The following NFATC2 variants were observed in gnomAD, a reference collection of about 807,000 sequenced individuals.
NFATC2 encodes the protein nuclear factor of activated T cells 2, also known as nuclear factor of activated T-cells, cytoplasmic 2.
In NFATC2, 22 loss-of-function variants were observed where a neutral mutation model predicts 87.3. The ratio of observed to expected loss-of-function variants is 0.25; its 90% confidence interval spans 0.18 to 0.36. NFATC2 has a LOEUF of 0.36. Ranked by LOEUF, NFATC2 falls within the 10% of genes least tolerant of loss-of-function variation. The pLI, the probability that NFATC2 is intolerant of heterozygous loss-of-function variation, is 1.00. For synonymous variants in NFATC2, 565 were observed against 542.2 expected, an observed-to-expected ratio of 1.04 and a Z score of -0.58; for missense variants, 1,149 against 1,259.1, an observed-to-expected ratio of 0.91 and a Z score of 1.32.
intron 4 of NFATC2, among the ~76,000 whole-genome samples, chr20:51,474,973 T>TA (rs1157450609): frequency 7.2e-6 from 1 of 138,114 alleles, no homozygotes; most frequent in Non-Finnish European, 1.5e-5. Flanking sequence ...CTTTATTTAT[T>TA]TTTTTTTTTT....
chr20:51,561,327 A>AG (rs2077019492), intron 1 of NFATC2, among the ~76,000 whole-genome samples: 2 of 135,500 alleles, frequency 1.5e-5, no homozygotes, highest in African/African-American at 5.9e-5. Context: ...ATCTAGTTAA[A>AG]AAAAAAAAAA....
At chr20:51,426,912 A>C (rs1037420083) in intron 9 of NFATC2, among the ~76,000 whole-genome samples, 1 of 152,110 alleles carries the variant, frequency 6.6e-6, no homozygotes, top group African/African-American at 2.4e-5. Flanking sequence ...AGCACTTTAC[A>C]TGAAGAACAG....
At chr20:51,516,164 C>G (rs756957444) in intron 3 of NFATC2, among the ~76,000 whole-genome samples, 12 of 151,550 alleles carry the variant, frequency 7.9e-5, no homozygotes, top group Non-Finnish European at 1.3e-4. Flanking sequence ...AAATCAAAAG[C>G]CACAGACACA....
At chr20:51,561,480 A>C (rs55910412) in intron 1 of NFATC2, among the ~76,000 whole-genome samples, 2,294 of 110,440 alleles carry the variant, frequency 0.021, 25 homozygotes, top group African/African-American at 0.028. Flanking sequence ...AGAAAGAAAG[A>C]AAGAAAGCAA....
chr20:51,550,140 T>C (rs2076920689), intron 1 of NFATC2, among the ~76,000 whole-genome samples: 1 of 152,076 alleles, frequency 6.6e-6, no homozygotes, highest in African/African-American at 2.4e-5. Context: ...GGCCAGGAGT[T>C]TGAGACCAGC....
intron 8 of NFATC2, among the ~76,000 whole-genome samples, chr20:51,433,374 T>G (rs559313529): frequency 3.0e-4 from 45 of 152,306 alleles, no homozygotes; most frequent in African/African-American, 1.1e-3. Flanking sequence ...TAAGCACTAC[T>G]GTCTCAAGCC....
At chr20:51,484,852 G>A (rs1989575612) in intron 3 of NFATC2, among the ~76,000 whole-genome samples, 1 of 152,222 alleles carries the variant, frequency 6.6e-6, no homozygotes, top group South Asian at 2.1e-4. Context: ...GGATCCCACT[G>A]GCTGGATGTG....
intron 3 of NFATC2, among the ~76,000 whole-genome samples, chr20:51,507,787 G>A (rs916643938): frequency 5.3e-5 from 8 of 152,214 alleles, no homozygotes; most frequent in Non-Finnish European, 7.3e-5. Flanking sequence ...AAGCAGCATC[G>A]CGCGCTGGCT....
chr20:51,536,021 C>T (rs571703652), intron 1 of NFATC2, among the ~76,000 whole-genome samples: 80 of 152,306 alleles, frequency 5.3e-4, no homozygotes, highest in Non-Finnish European at 9.1e-4. Context: ...GATTCAAGTG[C>T]AGGGCTTTAG....
In NFATC2 at chr20:51,391,015, G is replaced by A. The variant is rs571584699; in HGVS notation, c.*481C>T. On this transcript the variant is annotated 3_prime_UTR_variant, in exon 11 of 11. Coordinates refer to ENST00000371564, the MANE Select transcript of NFATC2 (RefSeq NM_012340.5). ...CCTGGAAAAACGAACGCAAGGGCTG[G>A]GGTTTAATCACAGTGCCCACATCTT... is the stretch of plus-strand genomic sequence containing the variant. 5.5e-6 allele frequency: 2 copies of A among 366,688 alleles called. No individual in the cohort carries two copies. Among genetic ancestry groups the A allele is most frequent in the South Asian group, 2.3e-5 (1 of 43,882 alleles). 22.7% of individuals were successfully genotyped at this position (366,688 alleles called of 1,614,324 possible).
chr20:51,459,267 T>C (rs1986888091), intron 5 of NFATC2, among the ~76,000 whole-genome samples: 1 of 152,078 alleles, frequency 6.6e-6, no homozygotes, highest in Non-Finnish European at 1.5e-5. Flanking sequence ...GGGTGGACCT[T>C]GAAACCATTA....
At chr20:51,536,572 T>C (rs918426978) in intron 1 of NFATC2, among the ~76,000 whole-genome samples, 1 of 152,154 alleles carries the variant, frequency 6.6e-6, no homozygotes, top group African/African-American at 2.4e-5. Context: ...TGAATAACAC[T>C]GCTTTAAAGT....
At chr20:51,561,431 AAAAGAAAGAAAGAAAGAAAG>A (rs1184978605) in intron 1 of NFATC2, among the ~76,000 whole-genome samples, 36 of 110,268 alleles carry the variant, frequency 3.3e-4, no homozygotes, top group East Asian at 1.6e-3. Context: ...AGAGAGAAAG[AAAAGAAAGAAAGAAAGAAAG>A]AAAGAAAGAA....
rs772792191 is a variant in NFATC2 at position 51,404,739 on chromosome 20, T to C, written c.2723-6009A>G. Among the ~76,000 whole-genome samples, 26 of 152,158 alleles carry C rather than the reference T, an allele frequency of 1.7e-4. 1 individual carries two copies. Among genetic ancestry groups the C allele is most frequent in the Non-Finnish European group, 2.8e-4 (19 of 68,014 alleles). ...CTGAGATCAGCCATGCTCTCAGAGA[T>C]GCATTTTCACATCCTGCTGAGAGGG... On this transcript the variant is annotated intron_variant, in intron 9 of 10. Transcript: ENST00000371564.
chr20:51,409,976 T>C (rs1183081524), intron 9 of NFATC2, among the ~76,000 whole-genome samples: 6 of 152,126 alleles, frequency 3.9e-5, no homozygotes, highest in South Asian at 4.1e-4. Flanking sequence ...TTTGGGAAGC[T>C]GAGGTGGGCG....
At chr20:51,546,383 T>A (rs1201737177), upstream of NFATC2, among the ~76,000 whole-genome samples, 1 of 151,900 alleles carries the variant, frequency 6.6e-6, no homozygotes, top group Non-Finnish European at 1.5e-5. Flanking sequence ...AGGCATATTT[T>A]CAATTCAAAA....
At chr20:51,462,977 G>T (rs1183976254) in intron 5 of NFATC2, among the ~76,000 whole-genome samples, 4 of 152,240 alleles carry the variant, frequency 2.6e-5, no homozygotes, top group East Asian at 3.9e-4. Flanking sequence ...AGGCAAGAAG[G>T]TTCCTCCCAT....
At chr20:51,554,680 A>C (rs2076962501) in intron 1 of NFATC2, among the ~76,000 whole-genome samples, 1 of 152,214 alleles carries the variant, frequency 6.6e-6, no homozygotes, top group Non-Finnish European at 1.5e-5. Context: ...GGCGTGCAGC[A>C]GGTTGTGGTG....
intron 1 of NFATC2, among the ~76,000 whole-genome samples, chr20:51,561,380 A>G (rs1343835529): frequency 2.1e-5 from 3 of 145,800 alleles, no homozygotes; most frequent in Non-Finnish European, 4.4e-5. Context: ...GAGAGAGAAA[A>G]GAAAGAAAGA....
Sources: allele counts gnomAD v4.1 joint callset (sites outside exome capture counted in the v4.1 genomes callset), GRCh38; gene constraint gnomAD v4.1.1; transcripts MANE v1.5; gene names NCBI Gene and HGNC (gene_info 2026-07-23, HGNC 2026-07-21).